The following MCU variants were observed in gnomAD, a reference collection of about 807,000 sequenced individuals.
MCU encodes mitochondrial calcium uniporter.
A neutral mutation model predicts 45.2 loss-of-function variants in MCU; 12 were observed. The ratio of observed to expected loss-of-function variants is 0.27; its 90% CI spans 0.17 to 0.43. The LOEUF is 0.43. Ranked by LOEUF, MCU falls within the 20% of genes least tolerant of loss-of-function variation. MCU has a pLI of 1.00. For missense variants in MCU, 324 were observed against 436.7 expected, an observed-to-expected ratio of 0.74 and a Z score of 2.30; for synonymous variants, 160 against 165.1, an observed-to-expected ratio of 0.97 and a Z score of 0.24.
intron 6 of MCU, among the ~76,000 whole-genome samples, chr10:72,883,099 T>G (rs960383960): frequency 6.6e-6 from 1 of 152,214 alleles, no homozygotes; most frequent in African/African-American, 2.4e-5. Context: ...GAAAATGTTA[T>G]GCTAAGTGAA....
chr10:72,877,410 C>A (rs1845633658), intron 6 of MCU, among the ~76,000 whole-genome samples: 1 of 152,040 alleles, frequency 6.6e-6, no homozygotes, highest in Admixed American at 6.5e-5. Context: ...GTTCTTAATC[C>A]ACTAATTATC....
chr10:72,797,755 G>A (rs1050784212), intron 1 of MCU, among the ~76,000 whole-genome samples: 8 of 151,848 alleles, frequency 5.3e-5, no homozygotes, highest in Admixed American at 2.6e-4. Context: ...GGCTGGTCTC[G>A]AGCTCCTGAC....
chr10:72,757,944 G>A (rs1003496784), intron 1 of MCU, among the ~76,000 whole-genome samples: 1 of 152,182 alleles, frequency 6.6e-6, no homozygotes, highest in African/African-American at 2.4e-5. Context: ...TGCCTATGTA[G>A]CATCTTCAAC....
intron 1 of MCU, among the ~76,000 whole-genome samples, chr10:72,693,776 G>A (rs898181109): frequency 3.3e-5 from 5 of 152,146 alleles, no homozygotes; most frequent in African/African-American, 1.2e-4. Context: ...ATAGCCTCTA[G>A]TTATGTGTTT....
rs116998225 is a variant in MCU, at chr10:72,769,666, A to G, written c.151-64693A>G. Among the ~76,000 whole-genome samples, 911 of 152,274 alleles carry G rather than the reference A, an allele frequency of 6.0e-3. 8 individuals are homozygous for G. Among genetic ancestry groups the G allele is most frequent in the Non-Finnish European group, 9.4e-3 (642 of 68,022 alleles). On this transcript the variant is annotated intron_variant, in intron 1 of 7. Transcript: ENST00000373053. ...CCCATTTAAAATGTAACCCATTTCA[A>G]TGGTTTTTAGTATAATCACAGTTGT...
At chr10:72,700,717 G>T (rs566149867) in intron 1 of MCU, among the ~76,000 whole-genome samples, 5 of 152,172 alleles carry the variant, frequency 3.3e-5, no homozygotes, top group Non-Finnish European at 7.3e-5. Flanking sequence ...ATAATTTGAT[G>T]ATATGACATC....
intron 1 of MCU, chr10:72,715,946 A>G: frequency 1.1e-6 from 1 of 946,578 alleles, no homozygotes; most frequent in Non-Finnish European, 1.3e-6. Context: ...CCCTGCAAGC[A>G]AAACAGTTTA....
Position 72,887,580 on chromosome 10 carries a change from G to C in MCU, c.*1758G>C, listed in dbSNP as rs986931501. Reference sequence around the variant, plus strand: ...CAAGGGAGGGAGGACATGGAGAAAAGTTCTTTAAACAAATAGCAAACTATT... The same window carrying C: ...CAAGGGAGGGAGGACATGGAGAAAACTTCTTTAAACAAATAGCAAACTATT... On this transcript the variant is annotated 3_prime_UTR_variant, in exon 8 of 8. Coordinates refer to ENST00000373053, the MANE Select transcript of MCU (RefSeq NM_138357.3). 5 of 152,704 alleles carry C rather than the reference G, an allele frequency of 3.3e-5. No individual in the cohort carries two copies. The highest frequency in any genetic ancestry group is 1.2e-4 in the African/African-American group (5 of 41,430). The allele number at this position is 152,704 out of a possible 1,614,324, so 9.5% of individuals were successfully genotyped here. A position where few individuals can be genotyped will look rare whatever the true frequency, so the allele number is the denominator to read the frequency against.
At chr10:72,780,751 G>T (rs1485982096) in intron 1 of MCU, among the ~76,000 whole-genome samples, 1 of 152,124 alleles carries the variant, frequency 6.6e-6, no homozygotes, top group Non-Finnish European at 1.5e-5. Context: ...GAAGAGTGAT[G>T]TCTGGATCTT....
Position 72,697,673 on chromosome 10 carries a change from A to G in MCU, c.150+5372A>G, listed in dbSNP as rs375562548. Among the ~76,000 whole-genome samples, 26 of 152,184 alleles carry G rather than the reference A, an allele frequency of 1.7e-4. No homozygotes were observed. The East Asian group carries it at 4.8e-3, about 28-fold the overall frequency. ...CTAGTCTTGAACTCCTGACCTCGTG[A>G]TCCACCCACCTCGGCCTCCCAAAGT... On this transcript the variant is annotated intron_variant, in intron 1 of 7. Transcript: ENST00000373053.
chr10:72,833,587 A>C (rs1176332278), intron 1 of MCU, among the ~76,000 whole-genome samples: 1 of 152,234 alleles, frequency 6.6e-6, no homozygotes, highest in Non-Finnish European at 1.5e-5. Context: ...GATTTTGTTC[A>C]GTTAATGCCT....
intron 1 of MCU, among the ~76,000 whole-genome samples, chr10:72,791,684 T>C (rs1013517947): frequency 5.9e-5 from 9 of 152,144 alleles, no homozygotes; most frequent in African/African-American, 2.2e-4. Flanking sequence ...AAATCACCGG[T>C]GCAACTAATC....
chr10:72,867,436 G>T (rs1417594895), intron 4 of MCU, among the ~76,000 whole-genome samples: 1 of 152,074 alleles, frequency 6.6e-6, no homozygotes, highest in African/African-American at 2.4e-5. Flanking sequence ...CACCCTTTCA[G>T]TCGTTCTCAT....
intron 6 of MCU, among the ~76,000 whole-genome samples, chr10:72,882,883 A>G (rs529822045): frequency 2.0e-5 from 3 of 152,256 alleles, no homozygotes; most frequent in Admixed American, 6.5e-5. Context: ...ACCTACCGAC[A>G]TGTGATGTCC....
At chr10:72,697,025 A>G (rs1842696124) in intron 1 of MCU, among the ~76,000 whole-genome samples, 1 of 152,200 alleles carries the variant, frequency 6.6e-6, no homozygotes, top group Non-Finnish European at 1.5e-5. Context: ...TTACAAGTAT[A>G]TGTTTGAATC....
chr10:72,704,527 T>A (rs913918653), intron 1 of MCU, among the ~76,000 whole-genome samples: 2 of 152,018 alleles, frequency 1.3e-5, no homozygotes, highest in African/African-American at 2.4e-5. Context: ...ATTTTTTTTT[T>A]ATTTTTTAAA....
chr10:72,812,176 T>G (rs2132802592), intron 1 of MCU, among the ~76,000 whole-genome samples: 1 of 152,284 alleles, frequency 6.6e-6, no homozygotes, highest in East Asian at 1.9e-4. Flanking sequence ...AGAGGGAATC[T>G]TGCCCTACTG....
At chr10:72,722,505 AC>A (rs1490533812) in intron 1 of MCU, among the ~76,000 whole-genome samples, 1 of 148,930 alleles carries the variant, frequency 6.7e-6, no homozygotes, top group Non-Finnish European at 1.5e-5. Context: ...AGTTATTGGC[AC>A]TTTTTTCTTT....
At chr10:72,800,533 A>G (rs1219856525) in intron 1 of MCU, among the ~76,000 whole-genome samples, 1 of 152,226 alleles carries the variant, frequency 6.6e-6, no homozygotes, top group Non-Finnish European at 1.5e-5. Flanking sequence ...TTGGTCATGT[A>G]TCAAGATTTA....
Sources: gnomAD v4.1 joint callset for allele counts (sites outside exome capture counted in the v4.1 genomes callset) on GRCh38, gnomAD v4.1.1 for gene constraint, MANE v1.5 for transcripts, NCBI Gene and HGNC (gene_info 2026-07-23, HGNC 2026-07-21) for gene names.